ANKHD1: variants seen among roughly 807,000 people sequenced by gnomAD.
ANKHD1 encodes the protein ankyrin repeat and KH domain containing 1, also known as ankyrin repeat and KH domain-containing protein 1.
A neutral mutation model predicts 230.5 loss-of-function variants in ANKHD1; 31 were observed. The observed-to-expected ratio is 0.13, with a 90% CI of 0.10 to 0.18. The LOEUF is 0.18. Ranked by LOEUF, ANKHD1 falls within the 10% of genes least tolerant of loss-of-function variation. The pLI is 1.00. For synonymous variants in ANKHD1, 1,074 were observed against 1,117.6 expected (o/e 0.96, Z 0.78); for missense variants, 2,256 against 3,071.3 (o/e 0.73, Z 6.27).
At chr5:140,427,252 G>A (rs1273676769) in intron 1 of ANKHD1, among the ~76,000 whole-genome samples, 1 of 149,034 alleles carries the variant, frequency 6.7e-6, no homozygotes, top group Non-Finnish European at 1.5e-5. Context: ...CTCCCAGACG[G>A]GGTGGCTGGC....
chr5:140,492,921 TAAA>T (rs146076313), intron 14 of ANKHD1, among the ~76,000 whole-genome samples: 1 of 152,094 alleles, frequency 6.6e-6, no homozygotes, highest in Non-Finnish European at 1.5e-5. Flanking sequence ...TCACTGCCAA[TAAA>T]AAAATAAAGG....
chr5:140,417,739 C>T lies in ANKHD1; in HGVS notation c.306+15466C>T, dbSNP rs185752576. The stretch of plus-strand genomic sequence containing the variant: ...AGAGTGCTGGGATTACAGGCATGCG[C>T]CACTGCACCCAACCCAGTTACTTTT... On this transcript the variant is annotated intron_variant, in intron 1 of 33. Transcript: ENST00000360839. Among the ~76,000 whole-genome samples the T allele has an allele frequency of 1.7e-3, 260 of 152,128 alleles. 7 individuals carry two copies. The highest frequency in any genetic ancestry group is 0.017 in the Admixed American group (257 of 15,274).
intron 10 of ANKHD1, among the ~76,000 whole-genome samples, chr5:140,467,751 A>G (rs1776193386): frequency 6.6e-6 from 1 of 152,216 alleles, no homozygotes; most frequent in African/African-American, 2.4e-5. Context: ...TGTAGGCCAG[A>G]GGAAAGAAAA....
chr5:140,458,856 G>C lies in ANKHD1; in HGVS notation c.1474G>C (p.Ala492Pro). The C allele has an allele frequency of 6.2e-7, 1 of 1,608,700 alleles. No individual in the cohort carries two copies. Among genetic ancestry groups the C allele is most frequent in the Non-Finnish European group, 8.5e-7 (1 of 1,177,508 alleles). Reference sequence around the variant, plus strand: ...TGAAGAAATGGTGGCACTACTCTTAGCACAAGGTAAAGCAGTTTTACTTCT... The same window carrying C: ...TGAAGAAATGGTGGCACTACTCTTACCACAAGGTAAAGCAGTTTTACTTCT... Reference protein sequence around the residue: ...GHEEMVALLLAQGANINAQTE... With the variant: ...GHEEMVALLLPQGANINAQTE... Residue 492 changes from alanine (A) to proline (P), a missense_variant, in exon 8 of 34, where the codon GCA (alanine) becomes CCA (proline). Physicochemically the swap from Ala to Pro is conservative, Grantham distance 27. Transcript: ENST00000360839.
In ANKHD1 at chr5:140,479,735, TATATATATACTTATATATATAC is replaced by T. The variant is rs1328337160; in HGVS notation, c.1783-2844_1783-2823del. Among the ~76,000 whole-genome samples the T allele has an allele frequency of 7.7e-4, 14 of 18,118 alleles. No individual in the cohort carries two copies. In the Admixed American group the frequency reaches 9.2e-3, roughly 12 times the overall value. 11.9% of individuals were successfully genotyped at this position (18,118 alleles called of 152,430 possible). ...TTCCCATTATATACATACATAGGTA[TATATATATACTTATATATATAC>T]CTATGTATGTATATGCGTATATATG... On this transcript the variant is annotated intron_variant, in intron 10 of 33. Transcript: ENST00000360839.
chr5:140,489,289 A>C (rs1751660466), intron 14 of ANKHD1, among the ~76,000 whole-genome samples: 1 of 152,024 alleles, frequency 6.6e-6, no homozygotes, highest in Non-Finnish European at 1.5e-5. Flanking sequence ...AGAATGATCG[A>C]TCAGCCTGCC....
At chr5:140,472,228 T>A in intron 10 of ANKHD1, 1 of 1,611,530 alleles carries the variant, frequency 6.2e-7, no homozygotes, top group Non-Finnish European at 8.5e-7. Flanking sequence ...TTCTTCTTTT[T>A]CCTTTCGCAG....
At chr5:140,411,354 C>G (rs1770903804) in intron 1 of ANKHD1, among the ~76,000 whole-genome samples, 1 of 152,208 alleles carries the variant, frequency 6.6e-6, no homozygotes, top group Non-Finnish European at 1.5e-5. Flanking sequence ...AATAGGCCAT[C>G]TGATTCCCAT....
chr5:140,538,013 G>T, intron 31 of ANKHD1, 73 bp from the exon 32 acceptor site: 1 of 1,525,166 alleles, frequency 6.6e-7, no homozygotes, highest in Non-Finnish European at 8.8e-7. Context: ...GTCATGTTTG[G>T]TAATAACAAT....
chr5:140,491,802 C>T (rs1055941037), intron 14 of ANKHD1, among the ~76,000 whole-genome samples: 1 of 152,124 alleles, frequency 6.6e-6, no homozygotes, highest in African/African-American at 2.4e-5. Flanking sequence ...GTTTATGTTG[C>T]TTATCTTTAT....
intron 24 of ANKHD1, 48 bp downstream of exon 24, chr5:140,513,527 G>A (rs879239009): frequency 1.3e-6 from 2 of 1,581,040 alleles, no homozygotes; most frequent in African/African-American, 1.3e-5. Flanking sequence ...TGAGGGTGGG[G>A]GCCGGGCACG....
Position 140,528,532 on chromosome 5 carries a change from A to G in ANKHD1, c.5586A>G (p.Gln1862=). The G allele has an allele frequency of 6.2e-7, 1 of 1,614,102 alleles. No homozygotes were observed. Among genetic ancestry groups the G allele is most frequent in the Non-Finnish European group, 8.5e-7 (1 of 1,180,022 alleles). ...CTCATTTTGCCCTGCTGGCTGCTCAAACTATGCAACAGATTCGGCATCCTC... is the reference window on the plus strand; with the variant it reads ...CTCATTTTGCCCTGCTGGCTGCTCAGACTATGCAACAGATTCGGCATCCTC... ...PHPHFALLAA[Q]TMQQIRHPRL... The change falls in exon 29 of 34, where the codon CAA becomes CAG. Residue 1862 remains glutamine, a synonymous_variant. Coordinates refer to ENST00000360839, the MANE Select transcript of ANKHD1 (RefSeq NM_017747.3).
chr5:140,420,445 G>A (rs1316083547), intron 1 of ANKHD1, among the ~76,000 whole-genome samples: 1 of 152,142 alleles, frequency 6.6e-6, no homozygotes, highest in African/African-American at 2.4e-5. Context: ...GTTTTCTTCT[G>A]AGACTTGCAT....
intron 1 of ANKHD1, among the ~76,000 whole-genome samples, chr5:140,418,713 A>T (rs1771607630): frequency 6.6e-6 from 1 of 152,178 alleles, no homozygotes; most frequent in Non-Finnish European, 1.5e-5. Context: ...TTTCTACAAT[A>T]TTGTAGCAGG....
chr5:140,410,848 T>C (rs774911830), intron 1 of ANKHD1, among the ~76,000 whole-genome samples: 4 of 152,206 alleles, frequency 2.6e-5, no homozygotes, highest in Non-Finnish European at 5.9e-5. Flanking sequence ...GTAGGTATTA[T>C]CTACATTTTT....
At chr5:140,436,763 A>T (rs1458933526) in intron 2 of ANKHD1, among the ~76,000 whole-genome samples, 3 of 151,730 alleles carry the variant, frequency 2.0e-5, no homozygotes, top group African/African-American at 7.3e-5. Context: ...AAAAAAAAAG[A>T]TAATCAGCTA....
At position 140,535,372 on chromosome 5, in the gene ANKHD1, C is replaced by T. The variant is rs1754024032; in HGVS notation, c.6861C>T (p.Ser2287=). Residue 2287 remains serine (S), a synonymous_variant, in exon 30 of 34, where the codon TCC becomes TCT. Transcript: ENST00000360839. ...RVSTSPVGLP[S]IDPSGSSPSS... is the part of the protein sequence containing the mutation. ...CCTGTTTTATTTCAGGGTTACCATCCATTGACCCATCAGGCAGCTCCCCAT... is the reference window on the plus strand; with the variant it reads ...CCTGTTTTATTTCAGGGTTACCATCTATTGACCCATCAGGCAGCTCCCCAT... 2 of 1,606,032 alleles carry T rather than the reference C, an allele frequency of 1.2e-6. No individual in the cohort carries two copies. The highest frequency in any genetic ancestry group is 1.7e-6 in the Non-Finnish European group (2 of 1,177,112).
In ANKHD1 at chr5:140,507,791, G is replaced by A; in HGVS notation, c.3558G>A (p.Gly1186=). 6.2e-7 allele frequency: 1 copy of A among 1,614,052 alleles called. No individual in the cohort carries two copies. The highest frequency in any genetic ancestry group is 1.1e-5 in the South Asian group (1 of 91,076). ...NAGAEINSRT[G]SKLGISPLML... ...AGCACATTTCCCCCTTTAGGACTGGGAGTAAACTAGGTATTTCTCCCCTGA... is the reference window on the plus strand; with the variant it reads ...AGCACATTTCCCCCTTTAGGACTGGAAGTAAACTAGGTATTTCTCCCCTGA... The change falls in exon 20 of 34, where the codon GGG becomes GGA. Residue 1186 remains glycine, a synonymous_variant. Transcript: ENST00000360839. This position sits in a 1 kb window ranked among gnomAD's most constrained non-coding sequence, Gnocchi z 4.1.
intron 25 of ANKHD1, 132 bp from the exon 26 acceptor site, chr5:140,525,864 C>G: frequency 7.3e-6 from 7 of 956,210 alleles, no homozygotes; most frequent in African/African-American, 1.7e-5. Flanking sequence ...TTCTTTATTT[C>G]TTAGTGAATA....
Sources: gnomAD v4.1 joint callset for allele counts (sites outside exome capture counted in the v4.1 genomes callset) on GRCh38, gnomAD v4.1.1 for gene constraint, Gnocchi (gnomAD v3.1) non-coding constraint, MANE v1.5 for transcripts, NCBI Gene and HGNC (gene_info 2026-07-23, HGNC 2026-07-21) for gene names.